IFT88: variants seen among roughly 807,000 people sequenced by gnomAD.
IFT88 encodes intraflagellar transport protein 88 homolog.
A neutral mutation model predicts 119.5 loss-of-function variants in IFT88; 74 were observed. That is an observed-to-expected ratio of 0.62 (90% CI 0.51 to 0.75). The LOEUF (loss-of-function observed/expected upper bound fraction) is 0.75, where lower values mean the gene tolerates loss of function less well. Ranked by LOEUF, IFT88 falls within the 30% of genes least tolerant of loss-of-function variation. The pLI is 0.00. For synonymous variants in IFT88, 279 were observed against 316.7 expected (o/e 0.88, Z 1.26); for missense variants, 961 against 977.7 (o/e 0.98, Z 0.23).
chr13:20,652,251 G>T (rs990372835), intron 20 of IFT88, among the ~76,000 whole-genome samples: 1 of 152,146 alleles, frequency 6.6e-6, no homozygotes, highest in African/African-American at 2.4e-5. Flanking sequence ...TAATTTTAAA[G>T]AATTAATACA....
intron 24 of IFT88, among the ~76,000 whole-genome samples, chr13:20,671,832 C>G (rs553244362): frequency 9.2e-5 from 14 of 152,270 alleles, no homozygotes; most frequent in Admixed American, 9.2e-4. Flanking sequence ...TGACCTAGCT[C>G]CATGTAACTA....
intron 14 of IFT88, 25 bp from the exon 15 acceptor site, chr13:20,625,725 A>G (rs1180077255): frequency 3.3e-6 from 5 of 1,499,320 alleles, no homozygotes; most frequent in Non-Finnish European, 4.6e-6. Flanking sequence ...AAATCAAGTA[A>G]GGTTTTTTAT....
chr13:20,673,762 T>C (rs7319201), intron 24 of IFT88, among the ~76,000 whole-genome samples: 26,114 of 152,208 alleles, frequency 0.17, 2,682 homozygotes, highest in African/African-American at 0.28. Context: ...TTTTTTAATC[T>C]ATTTTCCTTT....
At chr13:20,627,356 T>C (rs996989724) in intron 15 of IFT88, among the ~76,000 whole-genome samples, 3 of 152,146 alleles carry the variant, frequency 2.0e-5, no homozygotes, top group African/African-American at 7.2e-5. Flanking sequence ...GTGTGACATG[T>C]ACTGTTATGG....
At chr13:20,657,099 G>A (rs570168418) in intron 22 of IFT88, among the ~76,000 whole-genome samples, 18 of 152,232 alleles carry the variant, frequency 1.2e-4, no homozygotes, top group South Asian at 2.1e-4. Context: ...GTTGTGATCC[G>A]CCTACCTTGG....
intron 20 of IFT88, among the ~76,000 whole-genome samples, chr13:20,647,699 T>C (rs1458079126): frequency 6.6e-6 from 1 of 152,184 alleles, no homozygotes; most frequent in Non-Finnish European, 1.5e-5. Flanking sequence ...TGATGGTTAT[T>C]ATAAGACACC....
At position 20,605,032 on chromosome 13, in the gene IFT88, C is replaced by T; in HGVS notation, c.1042-3C>T. 2 of 1,371,976 alleles carry T rather than the reference C, an allele frequency of 1.5e-6. No homozygotes were observed. The highest frequency in any genetic ancestry group is 2.1e-6 in the Non-Finnish European group (2 of 969,276). 85.0% of individuals were successfully genotyped at this position (1,371,976 alleles called of 1,614,324 possible). A position where few individuals can be genotyped will look rare whatever the true frequency, so the allele number is the denominator to read the frequency against. On this transcript the variant is annotated splice_polypyrimidine_tract_variant and splice_region_variant and intron_variant, in intron 12 of 25. Coordinates refer to ENST00000351808, the MANE Select transcript of IFT88 (RefSeq NM_006531.5). ...CTTTTTTTCTTCCATTTTATTTTAC[C>T]AGGATGATCCTCATACTAACTTAGT...
At chr13:20,640,188 A>G (rs1032406259) in intron 17 of IFT88, among the ~76,000 whole-genome samples, 4 of 151,628 alleles carry the variant, frequency 2.6e-5, no homozygotes, top group Non-Finnish European at 5.9e-5. Context: ...ATTTTTCTGT[A>G]TTTTCTTTTC....
intron 10 of IFT88, among the ~76,000 whole-genome samples, 173 bp downstream of exon 10, chr13:20,598,926 G>T (rs2042173796): frequency 6.6e-6 from 1 of 151,930 alleles, no homozygotes; most frequent in Non-Finnish European, 1.5e-5. Context: ...CCTTACAGAT[G>T]AAGAAATATA....
chr13:20,597,409 C>T (rs186506985), intron 9 of IFT88, among the ~76,000 whole-genome samples: 25 of 152,114 alleles, frequency 1.6e-4, no homozygotes, highest in South Asian at 6.2e-4. Context: ...CAGAAGTTTG[C>T]GACCAGCCTG....
In IFT88 at chr13:20,631,112, T is replaced by C; in HGVS notation, c.1386+10T>C. On this transcript the variant is annotated intron_variant, in intron 16 of 25. Coordinates refer to ENST00000351808, the MANE Select transcript of IFT88 (RefSeq NM_006531.5). ...AGCCCTGTATTATATGGTAAGTTTTTTTACTACTAAGAGTTAATCATATGC... is the reference window on the plus strand; with the variant it reads ...AGCCCTGTATTATATGGTAAGTTTTCTTACTACTAAGAGTTAATCATATGC... 1 of 1,526,564 alleles carries C rather than the reference T, an allele frequency of 6.6e-7. No individual in the cohort carries two copies. Among genetic ancestry groups the C allele is most frequent in the South Asian group, 1.1e-5 (1 of 89,290 alleles). The allele number at this position is 1,526,564 out of a possible 1,614,324, so 94.6% of individuals were successfully genotyped here.
Position 20,691,291 on chromosome 13 carries a change from T to A in IFT88, c.*116T>A. ...TTTTTTTTCACTGTCAAAACTTAAGTAAGTGTATTCTATTCTGTATGTATG... is the reference window on the plus strand; with the variant it reads ...TTTTTTTTCACTGTCAAAACTTAAGAAAGTGTATTCTATTCTGTATGTATG... On this transcript the variant is annotated 3_prime_UTR_variant, in exon 26 of 26. Coordinates refer to ENST00000351808, the MANE Select transcript of IFT88 (RefSeq NM_006531.5). 1.0e-6 allele frequency: 1 copy of A among 959,592 alleles called. No homozygotes were observed. Among genetic ancestry groups the A allele is most frequent in the Non-Finnish European group, 1.5e-6 (1 of 660,662 alleles). 59.4% of individuals were successfully genotyped at this position (959,592 alleles called of 1,614,324 possible). A position where few individuals can be genotyped will look rare whatever the true frequency, so the allele number is the denominator to read the frequency against.
chr13:20,685,591 C>G (rs1030089866), intron 24 of IFT88, among the ~76,000 whole-genome samples: 1 of 152,230 alleles, frequency 6.6e-6, no homozygotes, highest in African/African-American at 2.4e-5. Flanking sequence ...CCGTACCCAG[C>G]CGGGCATGGT....
rs368994851 is a variant in IFT88 at position 20,691,275 on chromosome 13, A to G, written c.*100A>G. The G allele has an allele frequency of 3.7e-6, 4 of 1,092,194 alleles. No individual in the cohort carries two copies. The highest frequency in any genetic ancestry group is 5.3e-5 in the East Asian group (2 of 38,072). The allele number at this position is 1,092,194 out of a possible 1,614,324, so 67.7% of individuals were successfully genotyped here. A position where few individuals can be genotyped will look rare whatever the true frequency, so the allele number is the denominator to read the frequency against. ...ATCTAACCTGTAATTATTTTTTTTC[A>G]CTGTCAAAACTTAAGTAAGTGTATT... On this transcript the variant is annotated 3_prime_UTR_variant, in exon 26 of 26. Coordinates refer to ENST00000351808, the MANE Select transcript of IFT88 (RefSeq NM_006531.5).
intron 23 of IFT88, among the ~76,000 whole-genome samples, chr13:20,664,906 T>TC (rs2054416041): frequency 6.6e-6 from 1 of 151,984 alleles, no homozygotes; most frequent in Non-Finnish European, 1.5e-5. Flanking sequence ...ACTGAAACTC[T>TC]GTCTCTACTA....
chr13:20,575,413 C>G (rs1204502328), intron 2 of IFT88, among the ~76,000 whole-genome samples: 10 of 152,112 alleles, frequency 6.6e-5, no homozygotes, highest in Non-Finnish European at 1.5e-5. Context: ...CTGCAGCAAA[C>G]ATGGGAGTGC....
intron 11 of IFT88, among the ~76,000 whole-genome samples, chr13:20,599,970 A>G (rs999821291): frequency 6.6e-6 from 1 of 152,076 alleles, no homozygotes; most frequent in Non-Finnish European, 1.5e-5. Context: ...TGAGTCTTAG[A>G]AGAGGGGGAA....
At chr13:20,570,991 T>G (rs1447804728) in intron 1 of IFT88, among the ~76,000 whole-genome samples, 1 of 151,940 alleles carries the variant, frequency 6.6e-6, no homozygotes, top group Non-Finnish European at 1.5e-5. Flanking sequence ...TTTATTTATT[T>G]TTATTATTTA....
intron 16 of IFT88, among the ~76,000 whole-genome samples, chr13:20,634,773 C>G (rs1309256986): frequency 6.8e-6 from 1 of 147,180 alleles, no homozygotes; most frequent in Non-Finnish European, 1.5e-5. Flanking sequence ...TTCTCAGGAA[C>G]AATTTCTTCT....
Sources: gnomAD v4.1 joint callset for allele counts (sites outside exome capture counted in the v4.1 genomes callset) on GRCh38, gnomAD v4.1.1 for gene constraint, MANE v1.5 for transcripts, NCBI Gene and HGNC (gene_info 2026-07-23, HGNC 2026-07-21) for gene names.